Variants in KIF15 observed in about 807,000 individuals in gnomAD.
KIF15 encodes the protein kinesin-like protein KIF15.
In KIF15, 140 loss-of-function variants were observed where a neutral mutation model predicts 190.6. The observed-to-expected ratio is 0.73, with a 90% CI of 0.64 to 0.84. KIF15 has a LOEUF of 0.84. Ranked by LOEUF, KIF15 falls within the 40% of genes least tolerant of loss-of-function variation. The pLI is 0.00. For synonymous variants in KIF15, 528 were observed against 551.3 expected, an observed-to-expected ratio of 0.96 and a Z score of 0.59; for missense variants, 1,372 against 1,584.4, an observed-to-expected ratio of 0.87 and a Z score of 2.28.
chr3:44,831,066 A>C, intron 26 of KIF15, 48 bp downstream of exon 26: 1 of 1,585,388 alleles, frequency 6.3e-7, no homozygotes, highest in South Asian at 1.1e-5. Context: ...ATTACTTGTC[A>C]ATATGTGTAT....
intron 3 of KIF15, 74 bp downstream of exon 3, chr3:44,775,511 A>G: frequency 8.7e-7 from 1 of 1,150,098 alleles, no homozygotes; most frequent in East Asian, 2.5e-5. Flanking sequence ...GCTGGAGTGC[A>G]GTGGCATGAT....
chr3:44,848,179 C>A, intron 31 of KIF15, 122 bp downstream of exon 31: 1 of 653,554 alleles, frequency 1.5e-6, no homozygotes, highest in Non-Finnish European at 2.6e-6. Flanking sequence ...TCTGCATTTC[C>A]ACTGTTTAGC....
chr3:44,829,528 A>G (rs1302411547), intron 24 of KIF15, among the ~76,000 whole-genome samples: 1 of 64,050 alleles, frequency 1.6e-5, no homozygotes, highest in Non-Finnish European at 3.0e-5. Flanking sequence ...TTATATGTAT[A>G]TAATATGTAT....
intron 20 of KIF15, among the ~76,000 whole-genome samples, chr3:44,822,328 G>GC (rs1185985234): frequency 3.9e-5 from 6 of 152,168 alleles, no homozygotes; most frequent in Admixed American, 6.5e-5. Flanking sequence ...GTTGAATATT[G>GC]CCCCCCACTC....
At chr3:44,810,123 G>A (rs1707722374) in intron 16 of KIF15, among the ~76,000 whole-genome samples, 1 of 152,132 alleles carries the variant, frequency 6.6e-6, no homozygotes, top group South Asian at 2.1e-4. Context: ...TGTTCTATTT[G>A]AATGTACATA....
intron 5 of KIF15, 150 bp from the exon 6 acceptor site, chr3:44,784,695 A>C (rs1473773412): frequency 3.4e-6 from 2 of 585,958 alleles, no homozygotes; most frequent in African/African-American, 3.9e-5. Flanking sequence ...GAAAAATTTC[A>C]ATTTCTCTCA....
intron 26 of KIF15, among the ~76,000 whole-genome samples, chr3:44,832,978 C>G (rs533917692): frequency 2.0e-4 from 28 of 138,372 alleles, no homozygotes; most frequent in Non-Finnish European, 4.1e-4. Flanking sequence ...CCACTGCACT[C>G]TAGCCTGGGT....
intron 6 of KIF15, among the ~76,000 whole-genome samples, chr3:44,785,999 G>A (rs1426302220): frequency 1.3e-5 from 2 of 152,062 alleles, no homozygotes; most frequent in Non-Finnish European, 2.9e-5. Flanking sequence ...GGCAAATCAC[G>A]AGGTCAGGAG....
At chr3:44,831,185 C>T (rs1698052689) in intron 26 of KIF15, among the ~76,000 whole-genome samples, 167 bp downstream of exon 26, 1 of 152,154 alleles carries the variant, frequency 6.6e-6, no homozygotes, top group Non-Finnish European at 1.5e-5. Context: ...TCTACCTCTA[C>T]CTCACTGCCT....
At chr3:44,865,315 T>C (rs945504474) in intron 6 of KIF15, 13 of 1,194,708 alleles carry the variant, frequency 1.1e-5, no homozygotes, top group Admixed American at 2.1e-5. Flanking sequence ...AGGCCTCTGA[T>C]GGAGCAGGCT....
chr3:44,857,878 G>A (rs546561174), downstream of KIF15, among the ~76,000 whole-genome samples: 5 of 152,338 alleles, frequency 3.3e-5, no homozygotes, highest in Admixed American at 3.3e-4. Flanking sequence ...ATATCCCTTG[G>A]AGAATAAATG....
intron 1 of KIF15, among the ~76,000 whole-genome samples, chr3:44,763,727 AGGCT>A (rs1575565551): frequency 4.0e-5 from 6 of 149,796 alleles, no homozygotes; most frequent in Admixed American, 6.7e-5. Context: ...TCTGTCACCC[AGGCT>A]GGCTGGAGTG....
chr3:44,784,706 C>A, intron 5 of KIF15, 139 bp from the exon 6 acceptor site: 1 of 598,406 alleles, frequency 1.7e-6, no homozygotes, highest in Non-Finnish European at 3.0e-6. Context: ...ATTTCTCTCA[C>A]AGACCTAGAT....
chr3:44,829,702 ATT>A (rs907751327), intron 24 of KIF15, among the ~76,000 whole-genome samples: 3 of 134,532 alleles, frequency 2.2e-5, no homozygotes, highest in African/African-American at 5.6e-5. Context: ...ATGTATATAT[ATT>A]ATAGATGTAT....
In KIF15 at chr3:44,764,591, G is replaced by A. The variant is rs529811171; in HGVS notation, c.19+2707G>A. On this transcript the variant is annotated intron_variant, in intron 1 of 34. Transcript: ENST00000326047. ...GCATATTTTTAGATGGACACATAGAGGACCTCAAAGTTGAAAGAATTTTAC... is the reference window on the plus strand; with the variant it reads ...GCATATTTTTAGATGGACACATAGAAGACCTCAAAGTTGAAAGAATTTTAC... Among the ~76,000 whole-genome samples, 12 of 152,258 alleles carry A rather than the reference G, an allele frequency of 7.9e-5. 1 individual carries two copies. The South Asian group carries it at 2.3e-3, about 29-fold the overall frequency.
At position 44,848,575 on chromosome 3, in the gene KIF15, G is replaced by A. The variant is rs999863003; in HGVS notation, c.3806+17G>A. ...GAAAGCAGAGTAAGTGTACTATTTT[G>A]TAATTTAAAATCTTGATCATCTTTT... On this transcript the variant is annotated intron_variant, in intron 32 of 34. Coordinates refer to ENST00000326047, the MANE Select transcript of KIF15 (RefSeq NM_020242.3). 8.6e-7 allele frequency: 1 copy of A among 1,162,174 alleles called. No individual in the cohort carries two copies. Among genetic ancestry groups the A allele is most frequent in the Admixed American group, 2.2e-5 (1 of 46,376 alleles). 72.0% of individuals were successfully genotyped at this position (1,162,174 alleles called of 1,614,324 possible). A position where few individuals can be genotyped will look rare whatever the true frequency, so the allele number is the denominator to read the frequency against.
At chr3:44,861,291 G>A (rs116358560) in intron 6 of KIF15, among the ~76,000 whole-genome samples, 2,836 of 152,308 alleles carry the variant, frequency 0.019, 73 homozygotes, top group African/African-American at 0.063. Context: ...ACGCCCAGCC[G>A]GAAACATTCT....
At chr3:44,838,988 C>A (rs1056701785) in intron 27 of KIF15, among the ~76,000 whole-genome samples, 7 of 152,110 alleles carry the variant, frequency 4.6e-5, no homozygotes, top group Non-Finnish European at 1.0e-4. Context: ...TTGTTGTTGT[C>A]ATTTTATATT....
chr3:44,788,488 C>T (rs964610204), intron 7 of KIF15, among the ~76,000 whole-genome samples: 2 of 151,382 alleles, frequency 1.3e-5, no homozygotes, highest in African/African-American at 4.9e-5. Context: ...GGGTCTCGCT[C>T]TGTCACCCAG....
Sources: allele counts gnomAD v4.1 joint callset (sites outside exome capture counted in the v4.1 genomes callset), GRCh38; gene constraint gnomAD v4.1.1; transcripts MANE v1.5; gene names NCBI Gene and HGNC (gene_info 2026-07-23, HGNC 2026-07-21).